Variants in KIF26B observed in about 807,000 individuals in gnomAD.
The protein encoded by KIF26B is kinesin-like protein KIF26B.
A neutral mutation model predicts 151.2 loss-of-function variants in KIF26B; 63 were observed. The ratio of observed to expected loss-of-function variants is 0.42; its 90% CI spans 0.34 to 0.51. KIF26B has a LOEUF of 0.51. Ranked by LOEUF, KIF26B falls within the 20% of genes least tolerant of loss-of-function variation. The pLI is 0.07. For synonymous variants in KIF26B, 1,357 were observed against 1,262.1 expected (o/e 1.08, Z -1.59); for missense variants, 2,813 against 2,913.6 (o/e 0.97, Z 0.79).
chr1:245,439,981 G>A (rs1297088189), intron 4 of KIF26B, among the ~76,000 whole-genome samples: 5 of 152,242 alleles, frequency 3.3e-5, no homozygotes, highest in Non-Finnish European at 7.3e-5. Context: ...CAGCACTTGG[G>A]GAGGCCGAGG....
chr1:245,314,073 G>T (rs771518336), intron 2 of KIF26B, among the ~76,000 whole-genome samples: 14 of 152,188 alleles, frequency 9.2e-5, no homozygotes, highest in Non-Finnish European at 1.2e-4. Flanking sequence ...CAGGAGGCCT[G>T]CTCTTGTATG....
intron 5 of KIF26B, among the ~76,000 whole-genome samples, chr1:245,561,919 C>T (rs1246588739): frequency 1.3e-5 from 2 of 152,164 alleles, no homozygotes; most frequent in African/African-American, 2.4e-5. Context: ...TTCTCAGTCT[C>T]CATCCCAAGG....
chr1:245,532,802 T>C (rs910632168), intron 4 of KIF26B, among the ~76,000 whole-genome samples: 1 of 151,936 alleles, frequency 6.6e-6, no homozygotes, highest in Admixed American at 6.6e-5. Flanking sequence ...TGCTTTTCAA[T>C]CTCTAGAGCC....
chr1:245,533,948 C>G (rs1661434705), intron 4 of KIF26B, among the ~76,000 whole-genome samples: 1 of 151,862 alleles, frequency 6.6e-6, no homozygotes, highest in Non-Finnish European at 1.5e-5. Context: ...AGTAACCATC[C>G]TATGTGAAGT....
intron 2 of KIF26B, among the ~76,000 whole-genome samples, chr1:245,347,020 C>T (rs1207049301): frequency 6.6e-6 from 1 of 152,172 alleles, no homozygotes; most frequent in Non-Finnish European, 1.5e-5. Context: ...AAAACTACAG[C>T]CTTGGTAAAA....
intron 3 of KIF26B, among the ~76,000 whole-genome samples, chr1:245,369,110 C>T (rs528810346): frequency 2.0e-5 from 3 of 151,972 alleles, no homozygotes; most frequent in African/African-American, 7.2e-5. Flanking sequence ...TGCACTCCAG[C>T]AGCACTGCAC....
At position 245,607,717 on chromosome 1, in the gene KIF26B, G is replaced by T; in HGVS notation, c.1624G>T (p.Val542Leu). ...TGTGGTCAACGGGGCAGATGGCTGC[G>T]TGTTCTGTTTCGGCCACGCCAAACT... is the stretch of plus-strand genomic sequence containing the variant. The part of the protein sequence containing the change: ...QSVVNGADGC[V>L]FCFGHAKLGK... The change falls in exon 7 of 15, where the codon GTG becomes TTG. Residue 542 changes from valine to leucine, a missense_variant. This residue lies in a region of KIF26B where 77 missense variants were observed against 136.9 expected (regional missense o/e 0.56). Transcript: ENST00000407071. The T allele has an allele frequency of 6.2e-7, 1 of 1,613,084 alleles. No individual in the cohort carries two copies. Among genetic ancestry groups the T allele is most frequent in the South Asian group, 1.1e-5 (1 of 90,680 alleles).
In KIF26B at chr1:245,265,478, T is replaced by C. The variant is rs563747359; in HGVS notation, c.466-101356T>C. Among the ~76,000 whole-genome samples, 8 of 152,010 alleles carry C rather than the reference T, an allele frequency of 5.3e-5. No homozygotes were observed. The East Asian group carries it at 1.6e-3, about 29-fold the overall frequency. ...AATGAAGGTCCTCACATATCCTATA[T>C]ACAAAAAATTAGTTTGAAGTAGACC... On this transcript the variant is annotated intron_variant, in intron 2 of 14. Coordinates refer to ENST00000407071, the MANE Select transcript of KIF26B (RefSeq NM_018012.4).
At chr1:245,458,339 C>T (rs1451217848) in intron 4 of KIF26B, among the ~76,000 whole-genome samples, 1 of 152,180 alleles carries the variant, frequency 6.6e-6, no homozygotes, top group Non-Finnish European at 1.5e-5. Context: ...AAAACTCCAA[C>T]AAACCGAAGC....
chr1:245,355,822 G>T (rs917922976), intron 2 of KIF26B, among the ~76,000 whole-genome samples: 4 of 152,144 alleles, frequency 2.6e-5, no homozygotes, highest in African/African-American at 9.7e-5. Flanking sequence ...ACTGGGTGGA[G>T]GGTAGAGCGT....
intron 5 of KIF26B, among the ~76,000 whole-genome samples, chr1:245,575,416 A>G (rs1412977138): frequency 6.6e-6 from 1 of 151,998 alleles, no homozygotes; most frequent in Non-Finnish European, 1.5e-5. Context: ...CAGAGGTTGC[A>G]GTAAGCTGAG....
intron 2 of KIF26B, among the ~76,000 whole-genome samples, chr1:245,172,219 G>C (rs942567450): frequency 1.6e-4 from 25 of 152,264 alleles, no homozygotes; most frequent in Non-Finnish European, 3.1e-4. Context: ...AGTCTGGTGG[G>C]GGGGGTGGGT....
chr1:245,346,643 G>T (rs969034382), intron 2 of KIF26B, among the ~76,000 whole-genome samples: 1 of 152,096 alleles, frequency 6.6e-6, no homozygotes, highest in African/African-American at 2.4e-5. Flanking sequence ...CGATGACCTT[G>T]TTCTTCACTC....
intron 2 of KIF26B, among the ~76,000 whole-genome samples, chr1:245,252,389 C>T (rs1670461183): frequency 6.6e-6 from 1 of 151,266 alleles, no homozygotes; most frequent in South Asian, 2.1e-4. Context: ...TGTTTATATT[C>T]TCCATAAAGA....
At chr1:245,662,845 G>C (rs1257342063) in intron 10 of KIF26B, among the ~76,000 whole-genome samples, 1 of 111,854 alleles carries the variant, frequency 8.9e-6, no homozygotes, top group East Asian at 3.2e-4. Context: ...TCCCTTCTTG[G>C]CTTCAAGGAT....
intron 2 of KIF26B, among the ~76,000 whole-genome samples, chr1:245,357,640 C>T (rs563623106): frequency 2.6e-5 from 4 of 152,248 alleles, no homozygotes; most frequent in Admixed American, 2.0e-4. Context: ...CTGCACATAT[C>T]CATGACCCCC....
chr1:245,176,601 G>A (rs1416666010), intron 2 of KIF26B, among the ~76,000 whole-genome samples: 3 of 152,034 alleles, frequency 2.0e-5, no homozygotes, highest in Admixed American at 2.0e-4. Flanking sequence ...CCCACAAGAC[G>A]CCAACAAGCA....
intron 2 of KIF26B, among the ~76,000 whole-genome samples, chr1:245,199,046 C>T (rs1171210742): frequency 7.5e-6 from 1 of 132,466 alleles, no homozygotes; most frequent in Admixed American, 7.7e-5. Flanking sequence ...TCTAAGTTCA[C>T]TTCATTCATT....
At chr1:245,270,647 A>G (rs1670841738) in intron 2 of KIF26B, among the ~76,000 whole-genome samples, 1 of 152,026 alleles carries the variant, frequency 6.6e-6, no homozygotes, top group Non-Finnish European at 1.5e-5. Flanking sequence ...GAGTTGTAGG[A>G]ATTCCTTGTA....
Sources: allele counts gnomAD v4.1 joint callset (sites outside exome capture counted in the v4.1 genomes callset), GRCh38; gene constraint gnomAD v4.1.1; regional missense constraint gnomAD v4.1.1; transcripts MANE v1.5; gene names NCBI Gene and HGNC (gene_info 2026-07-23, HGNC 2026-07-21).